The following SORL1 variants were observed in gnomAD, a reference collection of about 807,000 sequenced individuals.
SORL1 encodes the protein sortilin related receptor 1.
In SORL1, 127 loss-of-function variants were observed where a neutral mutation model predicts 273.7. That is an observed-to-expected ratio of 0.46 (90% confidence interval 0.40 to 0.54). SORL1 has a LOEUF of 0.54. SORL1 is among the 20% of genes least tolerant of loss of function. SORL1 has a pLI of 0.00. For synonymous variants in SORL1, 1,031 were observed against 1,067.4 expected (o/e 0.97, Z 0.66); for missense variants, 2,494 against 2,846.1 (o/e 0.88, Z 2.81).
intron 6 of SORL1, among the ~76,000 whole-genome samples, chr11:121,502,483 A>G (rs2134830544): frequency 6.6e-6 from 1 of 152,202 alleles, no homozygotes; most frequent in South Asian, 2.1e-4. Context: ...TGGTTTTCCA[A>G]AACTATTGTA....
intron 32 of SORL1, among the ~76,000 whole-genome samples, chr11:121,597,084 C>T (rs574584152): frequency 1.1e-4 from 17 of 152,284 alleles, no homozygotes; most frequent in South Asian, 1.0e-3. Flanking sequence ...AGGAGATGCT[C>T]GGGAACCCAA....
intron 45 of SORL1, 52 bp from the exon 46 acceptor site, chr11:121,625,033 C>T (rs1441593602): frequency 3.8e-6 from 5 of 1,321,978 alleles, no homozygotes; most frequent in East Asian, 4.7e-5. Context: ...GTAATAGAGG[C>T]TGTCAGTTTC....
At chr11:121,586,695 G>GA (rs1863117240) in intron 27 of SORL1, among the ~76,000 whole-genome samples, 1 of 10,084 alleles carries the variant, frequency 9.9e-5, no homozygotes, top group Admixed American at 6.4e-4. Flanking sequence ...GGGTAGAGTG[G>GA]GGGGGGGGGC....
At chr11:121,491,787 A>G (rs1208375897) in intron 5 of SORL1, among the ~76,000 whole-genome samples, 11 of 152,140 alleles carry the variant, frequency 7.2e-5, no homozygotes, top group Admixed American at 7.2e-4. Flanking sequence ...TTCTATCATT[A>G]ATTCTCAGCA....
chr11:121,516,111 C>G (rs1285901148), intron 8 of SORL1, among the ~76,000 whole-genome samples: 1 of 152,158 alleles, frequency 6.6e-6, no homozygotes. Flanking sequence ...AGTGAGCACT[C>G]ATGTGGCTTA....
chr11:121,618,910 G>A lies in SORL1; in HGVS notation c.5724+17G>A, dbSNP rs762614606. ...TTGTTTCTGGTAAGTTTCCCATACC[G>A]TTTCAGTTTTTTAAGGGATGTCTTA... On this transcript the variant is annotated intron_variant, in intron 42 of 47. Transcript: ENST00000260197. The A allele has an allele frequency of 5.3e-5, 86 of 1,613,640 alleles. No individual in the cohort carries two copies. The highest frequency in any genetic ancestry group is 4.0e-5 in the African/African-American group (3 of 74,904).
chr11:121,589,908 T>C, intron 29 of SORL1, 132 bp from the exon 30 acceptor site: 1 of 1,042,736 alleles, frequency 9.6e-7, no homozygotes. Flanking sequence ...TCCATGAAGC[T>C]GCCTTATCTC....
At chr11:121,509,485 A>T (rs529220554) in intron 6 of SORL1, among the ~76,000 whole-genome samples, 79 of 151,978 alleles carry the variant, frequency 5.2e-4, no homozygotes, top group South Asian at 1.0e-3. Flanking sequence ...TTAATTATTT[A>T]TTTTTTTTCT....
In SORL1 at chr11:121,630,020, C is replaced by T. The variant is rs566235165; in HGVS notation, c.*457C>T. The T allele has an allele frequency of 7.4e-5, 12 of 163,044 alleles. No homozygotes were observed. The South Asian group carries it at 8.0e-4, about 11-fold the overall frequency. The allele number at this position is 163,044 out of a possible 1,614,324, so 10.1% of individuals were successfully genotyped here. On this transcript the variant is annotated 3_prime_UTR_variant, in exon 48 of 48. Coordinates refer to ENST00000260197, the MANE Select transcript of SORL1 (RefSeq NM_003105.6). ...AGGAAAGTGTGTGGATGTATTATGG[C>T]GGAAGGTTTCTTTATGTTATTTTGT... is the stretch of plus-strand genomic sequence containing the variant.
intron 6 of SORL1, among the ~76,000 whole-genome samples, chr11:121,508,913 A>T (rs1435256994): frequency 1.3e-5 from 2 of 152,194 alleles, no homozygotes; most frequent in Non-Finnish European, 2.9e-5. Flanking sequence ...TCCAATTAAT[A>T]TTAACTTTGT....
chr11:121,456,340 G>A (rs1860905058), intron 1 of SORL1, among the ~76,000 whole-genome samples: 1 of 152,224 alleles, frequency 6.6e-6, no homozygotes, highest in East Asian at 1.9e-4. Context: ...TTGAGGGCAT[G>A]GATCAAGTTC....
Position 121,589,258 on chromosome 11 carries a change from G to A in SORL1, c.3947-1G>A. 1.2e-6 allele frequency: 2 copies of A among 1,612,856 alleles called. No homozygotes were observed. The highest frequency in any genetic ancestry group is 1.7e-6 in the Non-Finnish European group (2 of 1,178,944). On this transcript the variant is annotated splice_acceptor_variant, in intron 28 of 47. Coordinates refer to ENST00000260197, the MANE Select transcript of SORL1 (RefSeq NM_003105.6). LOFTEE classifies it high-confidence loss of function. The stretch of plus-strand genomic sequence containing the variant: ...TTCATGGATGTTTGTTCCCTCTGTA[G>A]CCCAAGATCCTGAGTTCCACAAGGT...
At chr11:121,476,484 C>T (rs1043498032) in intron 2 of SORL1, among the ~76,000 whole-genome samples, 5 of 152,140 alleles carry the variant, frequency 3.3e-5, no homozygotes, top group Non-Finnish European at 5.9e-5. Flanking sequence ...TTTCTACATA[C>T]CTTGTGTTTA....
intron 11 of SORL1, among the ~76,000 whole-genome samples, chr11:121,525,081 C>T (rs1784927): frequency 0.39 from 59,301 of 152,098 alleles, 12,091 homozygotes; most frequent in East Asian, 0.57. Context: ...TTCCATCACC[C>T]TCCCCGAGGT....
intron 6 of SORL1, among the ~76,000 whole-genome samples, chr11:121,512,272 AAACTG>A (rs1243034904): frequency 6.6e-6 from 1 of 152,236 alleles, no homozygotes; most frequent in African/African-American, 2.4e-5. Flanking sequence ...GTATATGAAT[AAACTG>A]AAAGCTAGAG....
At chr11:121,571,667 C>T (rs1862845966) in intron 23 of SORL1, among the ~76,000 whole-genome samples, 1 of 152,242 alleles carries the variant, frequency 6.6e-6, no homozygotes, top group African/African-American at 2.4e-5. Context: ...GCCACTTCAC[C>T]CAGAAAGCAA....
intron 19 of SORL1, among the ~76,000 whole-genome samples, 191 bp downstream of exon 19, chr11:121,557,596 GT>G (rs1862611070): frequency 1.3e-5 from 2 of 152,214 alleles, no homozygotes; most frequent in South Asian, 4.1e-4. Context: ...TTGTTAGCCA[GT>G]GTCAGAGTCT....
chr11:121,480,169 T>A (rs1357685296), intron 3 of SORL1, among the ~76,000 whole-genome samples: 4 of 152,106 alleles, frequency 2.6e-5, no homozygotes, highest in Non-Finnish European at 4.4e-5. Flanking sequence ...AAATGCAGAG[T>A]GGATTTTGTG....
chr11:121,621,880 C>T (rs892744126), intron 44 of SORL1, among the ~76,000 whole-genome samples: 9 of 152,218 alleles, frequency 5.9e-5, no homozygotes, highest in Non-Finnish European at 1.2e-4. Flanking sequence ...TCCTCACCAC[C>T]CTTCTACCCA....
Sources: allele counts gnomAD v4.1 joint callset (sites outside exome capture counted in the v4.1 genomes callset), GRCh38; gene constraint gnomAD v4.1.1; transcripts MANE v1.5; gene names NCBI Gene and HGNC (gene_info 2026-07-23, HGNC 2026-07-21).